Variants in VEGFB observed in about 807,000 individuals in gnomAD.
VEGFB encodes the protein VEGF-related factor.
VEGFB carries 24 observed loss-of-function variants against 22.5 expected under a neutral mutation model. The observed-to-expected ratio is 1.07, with a 90% CI of 0.77 to 1.50. The LOEUF is 1.50. Ranked by LOEUF, VEGFB falls within the 40% of genes most tolerant of loss-of-function variation. The pLI is 0.00. For missense variants in VEGFB, 327 were observed against 287.8 expected, an observed-to-expected ratio of 1.14 and a Z score of -0.99; for synonymous variants, 141 against 117.4, an observed-to-expected ratio of 1.20 and a Z score of -1.30.
intron 1 of VEGFB, among the ~76,000 whole-genome samples, chr11:64,235,179 C>A (rs1312184019): frequency 6.6e-6 from 1 of 152,180 alleles, no homozygotes; most frequent in African/African-American, 2.4e-5. Context: ...GCACTGTGCG[C>A]GCTCCTGATC....
rs747299424 is a variant in VEGFB, at chr11:64,237,252, G to T, written c.410+30G>T. 3.8e-6 allele frequency: 6 copies of T among 1,599,764 alleles called. No individual in the cohort carries two copies. The African/African-American group carries it at 5.3e-5, about 14-fold the overall frequency. ...GTCTTTTGGACTCCAGCTGAGTAGG[G>T]GTATGGGGAGTACAAGTGAGTCCAG... is the stretch of plus-strand genomic sequence containing the variant. On this transcript the variant is annotated intron_variant, in intron 5 of 6. Coordinates refer to ENST00000309422, the MANE Select transcript of VEGFB (RefSeq NM_003377.5).
At chr11:64,237,871 G>C in intron 6 of VEGFB, 1 of 536,354 alleles carries the variant, frequency 1.9e-6, no homozygotes, top group Non-Finnish European at 3.3e-6. Flanking sequence ...GACAATGCCA[G>C]CAGAGGATGT....
Position 64,236,341 on chromosome 11 carries a change from C to A in VEGFB, c.374+14C>A. The A allele has an allele frequency of 1.9e-6, 3 of 1,613,300 alleles. No homozygotes were observed. In the East Asian group the frequency reaches 6.7e-5, roughly 36 times the overall value. On this transcript the variant is annotated intron_variant, in intron 4 of 6. Coordinates refer to ENST00000309422, the MANE Select transcript of VEGFB (RefSeq NM_003377.5). The stretch of plus-strand genomic sequence containing the variant: ...GTGTGAATGCAGGTGCCAGCCAGGC[C>A]CAACTTCTGAGCTCGCAGAGGCCAG...
In VEGFB at chr11:64,238,911, T is replaced by A. The variant is rs1194120831; in HGVS notation, c.*578T>A. ...TTGTGCAGATGGAGGAAATGAGGAC[T>A]AAGGCCCCACAGCAGATCCCAGGCA... is the stretch of plus-strand genomic sequence containing the variant. On this transcript the variant is annotated 3_prime_UTR_variant, in exon 7 of 7. Transcript: ENST00000309422. 6.1e-6 allele frequency: 1 copy of A among 164,866 alleles called. No individual in the cohort carries two copies. Among genetic ancestry groups the A allele is most frequent in the African/African-American group, 2.4e-5 (1 of 41,778 alleles). 10.2% of individuals were successfully genotyped at this position (164,866 alleles called of 1,614,324 possible).
chr11:64,237,349 T>C lies in VEGFB; in HGVS notation c.411-71T>C, dbSNP rs2030173620. 7.2e-6 allele frequency: 11 copies of C among 1,524,020 alleles called. No individual in the cohort carries two copies. In the East Asian group the frequency reaches 2.5e-4, roughly 35 times the overall value. 94.4% of individuals were successfully genotyped at this position (1,524,020 alleles called of 1,614,324 possible). A position where few individuals can be genotyped will look rare whatever the true frequency, so the allele number is the denominator to read the frequency against. On this transcript the variant is annotated intron_variant, in intron 5 of 6. Coordinates refer to ENST00000309422, the MANE Select transcript of VEGFB (RefSeq NM_003377.5). Reference sequence around the variant, plus strand: ...TTTCCTCTGCTCCCCAAGCCTGTGTTCTCTGCCCCGACCCCAGCTCTAGGG... The same window carrying C: ...TTTCCTCTGCTCCCCAAGCCTGTGTCCTCTGCCCCGACCCCAGCTCTAGGG...
rs2030245609 is a variant in VEGFB, at chr11:64,238,294, A to G, written c.*23-62A>G. 5 of 1,528,404 alleles carry G rather than the reference A, an allele frequency of 3.3e-6. No individual in the cohort carries two copies. The East Asian group carries it at 7.3e-5, about 22-fold the overall frequency. The allele number at this position is 1,528,404 out of a possible 1,614,324, so 94.7% of individuals were successfully genotyped here. On this transcript the variant is annotated intron_variant, in intron 6 of 6. Coordinates refer to ENST00000309422, the MANE Select transcript of VEGFB (RefSeq NM_003377.5). ...TGATCTTAGTGGGCCCGAGGCACAC[A>G]TGAGTCCAGGGCTGGGGCTGCGCTC...
At position 64,235,417 on chromosome 11, in the gene VEGFB, C is replaced by T. The variant is rs1425231714; in HGVS notation, c.61-41C>T. On this transcript the variant is annotated intron_variant, in intron 1 of 6. Transcript: ENST00000309422. ...AGGGACGGTGACAGGGCCACACCCT[C>T]CTAAAGTGTACCTTGGGTACAGGTC... 5 of 1,605,128 alleles carry T rather than the reference C, an allele frequency of 3.1e-6. No individual in the cohort carries two copies. The African/African-American group carries it at 6.7e-5, about 21-fold the overall frequency.
Position 64,234,897 on chromosome 11 carries a change from C to A in VEGFB, c.60+4C>A. The A allele has an allele frequency of 7.8e-7, 1 of 1,289,272 alleles. No individual in the cohort carries two copies. The highest frequency in any genetic ancestry group is 9.8e-7 in the Non-Finnish European group (1 of 1,017,548). 79.9% of individuals were successfully genotyped at this position (1,289,272 alleles called of 1,614,324 possible). On this transcript the variant is annotated splice_donor_region_variant and intron_variant, in intron 1 of 6. Coordinates refer to ENST00000309422, the MANE Select transcript of VEGFB (RefSeq NM_003377.5). The surrounding 1 kb of genome is among the most constrained non-coding windows in gnomAD (Gnocchi z 5.3). ...CCTGCAGCTGGCCCCCGCCCAGGTA[C>A]GTGCGGCCCGACAGCGCGCCCGCCC...
chr11:64,236,934 TTAGCCGCGCA>T (rs1362033057), intron 4 of VEGFB, among the ~76,000 whole-genome samples: 2 of 147,322 alleles, frequency 1.4e-5, no homozygotes, highest in African/African-American at 4.9e-5. Context: ...AATACAAAAA[TTAGCCGCGCA>T]TGGTGGCAGG....
chr11:64,237,083 CAAAGAG>C (rs745927194), intron 4 of VEGFB, 98 bp from the exon 5 acceptor site: 108,132 of 643,292 alleles, frequency 0.17, 13,413 homozygotes, highest in East Asian at 0.21. Flanking sequence ...AACACAGTCT[CAAAGAG>C]AGAGAGAGAG....
rs2030267592 is a variant in VEGFB at position 64,238,707 on chromosome 11, A to C, written c.*374A>C. ...CTGGCTCTTCCTCCCCTCACTAAGA[A>C]GACCCAAACCTCTGCATAATGGGAT... is the stretch of plus-strand genomic sequence containing the variant. On this transcript the variant is annotated 3_prime_UTR_variant, in exon 7 of 7. Transcript: ENST00000309422. The C allele has an allele frequency of 2.4e-6, 1 of 416,418 alleles. No individual in the cohort carries two copies. The highest frequency in any genetic ancestry group is 3.9e-5 in the Admixed American group (1 of 25,414). The allele number at this position is 416,418 out of a possible 1,614,324, so 25.8% of individuals were successfully genotyped here.
At chr11:64,235,529 C>T in intron 2 of VEGFB, 29 bp downstream of exon 2, 1 of 1,612,088 alleles carries the variant, frequency 6.2e-7, no homozygotes, top group Non-Finnish European at 8.5e-7. Flanking sequence ...CGGCACTAGC[C>T]AGCACTAAGA....
At chr11:64,237,320 C>A in intron 5 of VEGFB, 98 bp downstream of exon 5, 2 of 1,510,290 alleles carry the variant, frequency 1.3e-6, no homozygotes, top group Non-Finnish European at 1.8e-6. Flanking sequence ...CCCCCACTTT[C>A]CCTTTTCCTC....
rs1034474684 is a variant in VEGFB at position 64,234,841 on chromosome 11, C to T, written c.8C>T (p.Pro3Leu). MS[P>L]LLRRLLLAAL... The stretch of plus-strand genomic sequence containing the variant: ...GCGGCCCCGGCGGGCACCATGAGCC[C>T]TCTGCTCCGCCGCCTGCTGCTCGCC... The change falls in exon 1 of 7, where the codon CCT (proline) becomes CTT (leucine). Residue 3 changes from proline (P) to leucine (L), a missense_variant. Physicochemically the swap from Pro to Leu is moderately conservative, Grantham distance 98. Coordinates refer to ENST00000309422, the MANE Select transcript of VEGFB (RefSeq NM_003377.5). The surrounding 1 kb of genome is among the most constrained non-coding windows in gnomAD (Gnocchi z 5.3). The T allele has an allele frequency of 1.3e-4, 168 of 1,263,060 alleles. 1 individual carries two copies. In the African/African-American group the frequency reaches 2.5e-3, roughly 19 times the overall value. The allele number at this position is 1,263,060 out of a possible 1,614,324, so 78.2% of individuals were successfully genotyped here.
intron 6 of VEGFB, among the ~76,000 whole-genome samples, chr11:64,238,104 C>T: frequency 6.6e-6 from 1 of 152,196 alleles, no homozygotes; most frequent in East Asian, 1.9e-4. Flanking sequence ...ATGTGTTTCT[C>T]ACCATCCGTG....
Position 64,236,409 on chromosome 11 carries a change from C to G in VEGFB, c.374+82C>G, listed in dbSNP as rs948485821. The G allele has an allele frequency of 7.8e-6, 11 of 1,416,358 alleles. No homozygotes were observed. In the African/African-American group the frequency reaches 1.3e-4, roughly 16 times the overall value. The allele number at this position is 1,416,358 out of a possible 1,614,324, so 87.7% of individuals were successfully genotyped here. On this transcript the variant is annotated intron_variant, in intron 4 of 6. Coordinates refer to ENST00000309422, the MANE Select transcript of VEGFB (RefSeq NM_003377.5). ...TATGGTGGTCCACAGAACTGGGGACCAGGTTCCTAAGAGTAGAACCAAGGG... is the reference window on the plus strand; with the variant it reads ...TATGGTGGTCCACAGAACTGGGGACGAGGTTCCTAAGAGTAGAACCAAGGG...
At chr11:64,236,096 G>A in intron 3 of VEGFB, 87 bp downstream of exon 3, 1 of 1,521,234 alleles carries the variant, frequency 6.6e-7, no homozygotes, top group East Asian at 2.4e-5. Flanking sequence ...TGGCTCTGGG[G>A]CTGGGGCAGC....
intron 4 of VEGFB, 53 bp downstream of exon 4, chr11:64,236,380 T>C (rs1434957314): frequency 6.4e-7 from 1 of 1,560,388 alleles, no homozygotes; most frequent in East Asian, 2.2e-5. Flanking sequence ...TGGGGGGTGC[T>C]GGGTATGGTG....
At chr11:64,236,162 C>A (rs111565210) in intron 3 of VEGFB, 92 bp from the exon 4 acceptor site, 1 of 1,549,768 alleles carries the variant, frequency 6.5e-7, no homozygotes, top group South Asian at 1.1e-5. Context: ...GCCAGCCTCC[C>A]GGCTGTTGGG....
Sources: gnomAD v4.1 joint callset for allele counts (sites outside exome capture counted in the v4.1 genomes callset) on GRCh38, gnomAD v4.1.1 for gene constraint, Gnocchi (gnomAD v3.1) non-coding constraint, MANE v1.5 for transcripts, NCBI Gene and HGNC (gene_info 2026-07-23, HGNC 2026-07-21) for gene names.